Variants in RTL4 observed in about 807,000 individuals in gnomAD.
The protein encoded by RTL4 is retrotransposon Gag-like protein 4.
In RTL4, 4 loss-of-function variants were observed where a neutral mutation model predicts 5.3. The ratio of observed to expected loss-of-function variants is 0.75; its 90% CI spans 0.37 to 1.72. The LOEUF (loss-of-function observed/expected upper bound fraction) is 1.72. Among genes scored for constraint, RTL4 ranks in the 40% most tolerant of loss-of-function variants. The probability of loss-of-function intolerance (pLI) is 0.04; values close to 1 mark genes in which losing one functional copy is unlikely to be tolerated. For missense variants in RTL4, 260 were observed against 227.1 expected, an observed-to-expected ratio of 1.14 and a Z score of -0.93; for synonymous variants, 98 against 87.3, an observed-to-expected ratio of 1.12 and a Z score of -0.68.
At chrX:112,140,644 C>T in the RTL4 span, among the ~76,000 whole-genome samples, 1 of 110,712 alleles carries the variant, frequency 9.0e-6, no homozygotes, top group East Asian at 2.8e-4. Flanking sequence ...GGCACTAATC[C>T]CATTCATGAG....
At chrX:112,374,877 C>T in the RTL4 span, among the ~76,000 whole-genome samples, 5 of 111,397 alleles carry the variant, frequency 4.5e-5, no homozygotes, top group Admixed American at 4.8e-4. Context: ...AGCCACAGGT[C>T]TCTCTCCCTC....
At chrX:112,248,264 GA>G in the RTL4 span, among the ~76,000 whole-genome samples, 5 of 112,156 alleles carry the variant, frequency 4.5e-5, no homozygotes, top group African/African-American at 1.3e-4. Context: ...CTTTTGTGGT[GA>G]AAAGAGCATT....
chrX:112,181,073 A>G, the RTL4 span, among the ~76,000 whole-genome samples: 2 of 111,568 alleles, frequency 1.8e-5, no homozygotes, highest in African/African-American at 6.5e-5. Flanking sequence ...GGGAAGTGCA[A>G]GGCGTCAGGG....
chrX:112,338,549 T>C, the RTL4 span, among the ~76,000 whole-genome samples: 1 of 112,229 alleles, frequency 8.9e-6, no homozygotes, highest in African/African-American at 3.2e-5. Context: ...TCCTAATCTA[T>C]GTTTTACAAA....
At chrX:112,410,697 A>G in the RTL4 span, among the ~76,000 whole-genome samples, 3 of 111,684 alleles carry the variant, frequency 2.7e-5, no homozygotes, top group Non-Finnish European at 3.8e-5. Context: ...GATAATGGAA[A>G]CACAATATGC....
the RTL4 span, among the ~76,000 whole-genome samples, chrX:112,292,100 G>T: frequency 7.2e-5 from 8 of 111,551 alleles, no homozygotes; most frequent in Non-Finnish European, 1.5e-4. Context: ...CAGTTATGAG[G>T]TAATTAATCT....
chrX:112,127,289 A>G, the RTL4 span, among the ~76,000 whole-genome samples: 2 of 111,476 alleles, frequency 1.8e-5, no homozygotes, highest in East Asian at 5.6e-4. Flanking sequence ...TCAATGTAAT[A>G]CACCAAATTA....
the RTL4 span, among the ~76,000 whole-genome samples, chrX:112,277,779 G>C: frequency 8.9e-5 from 10 of 111,975 alleles, no homozygotes; most frequent in African/African-American, 3.2e-4. Flanking sequence ...GTAAAACAGA[G>C]GGTATCTGGA....
At chrX:112,305,904 C>T in the RTL4 span, among the ~76,000 whole-genome samples, 1 of 111,453 alleles carries the variant, frequency 9.0e-6, no homozygotes, top group Non-Finnish European at 1.9e-5. Flanking sequence ...TGCCTTGCTT[C>T]AATCAAACCG....
chrX:112,304,979 T>A, the RTL4 span, among the ~76,000 whole-genome samples: 30 of 110,162 alleles, frequency 2.7e-4, no homozygotes, highest in African/African-American at 9.9e-4. Flanking sequence ...TAGCAAAGGC[T>A]GTCAAAAACG....
At chrX:112,420,524 G>A in the RTL4 span, among the ~76,000 whole-genome samples, 2 of 111,734 alleles carry the variant, frequency 1.8e-5, no homozygotes, top group African/African-American at 6.5e-5. Context: ...ACCATGGGCT[G>A]TGGCACCAAA....
chrX:112,169,078 TCTTTCTTTTCTTTC>T, the RTL4 span, among the ~76,000 whole-genome samples: 1,917 of 43,770 alleles, frequency 0.044, 41 homozygotes, highest in East Asian at 0.19. Flanking sequence ...CTTTTTTCTT[TCTTTCTTTTCTTTC>T]TTTCTTTCTT....
chrX:112,197,204 GA>G, the RTL4 span, among the ~76,000 whole-genome samples: 69 of 99,470 alleles, frequency 6.9e-4, no homozygotes, highest in East Asian at 1.3e-3. Context: ...GTTGTTATAT[GA>G]AAAAAAAAAA....
At chrX:112,392,380 G>A in the RTL4 span, among the ~76,000 whole-genome samples, 8 of 111,613 alleles carry the variant, frequency 7.2e-5, no homozygotes, top group African/African-American at 1.3e-4. Flanking sequence ...AGTCACCTCC[G>A]ATTTTTTAGT....
the RTL4 span, among the ~76,000 whole-genome samples, chrX:112,192,517 T>C: frequency 2.1e-4 from 23 of 111,841 alleles, no homozygotes; most frequent in East Asian, 6.4e-3. Context: ...TTAATTTCTT[T>C]GTAGTTTTTC....
At chrX:112,390,159 A>T in the RTL4 span, among the ~76,000 whole-genome samples, 4 of 52,957 alleles carry the variant, frequency 7.6e-5, no homozygotes, top group Non-Finnish European at 1.0e-4. Context: ...ATATATATAT[A>T]TTTAGGATCG....
chrX:112,095,356 A>G, the RTL4 span, among the ~76,000 whole-genome samples: 11 of 111,850 alleles, frequency 9.8e-5, no homozygotes, highest in South Asian at 4.1e-3. Context: ...GAGCAAGCTA[A>G]GTAAAAATTG....
chrX:112,140,610 G>T, the RTL4 span, among the ~76,000 whole-genome samples: 1 of 110,490 alleles, frequency 9.1e-6, no homozygotes, highest in Non-Finnish European at 1.9e-5. Context: ...GGGCAAACAG[G>T]CTTCCTCAAG....
At chrX:112,337,116 A>C in the RTL4 span, among the ~76,000 whole-genome samples, 1 of 111,771 alleles carries the variant, frequency 8.9e-6, no homozygotes, top group Non-Finnish European at 1.9e-5. Context: ...TTAGCCTGTT[A>C]GAAAATGTCT....
Sources: gnomAD v4.1 joint callset for allele counts (sites outside exome capture counted in the v4.1 genomes callset) on GRCh38, gnomAD v4.1.1 for gene constraint, MANE v1.5 for transcripts, NCBI Gene and HGNC (gene_info 2026-07-23, HGNC 2026-07-21) for gene names.